Variants in CLCN6 observed in about 807,000 individuals in gnomAD.
CLCN6 encodes Cl-/H+ antiporter 6, also known as H(+)/Cl(-) exchange transporter 6.
In CLCN6, 70 loss-of-function variants were observed where a neutral mutation model predicts 109.8. That is an observed-to-expected ratio of 0.64 (90% CI 0.53 to 0.78). The LOEUF (loss-of-function observed/expected upper bound fraction) is 0.78, where lower values mean the gene tolerates loss of function less well. CLCN6 is among the 30% of genes least tolerant of loss of function. The pLI is 0.00. For missense variants in CLCN6, 984 were observed against 1,142.3 expected (o/e 0.86, Z 2.00); for synonymous variants, 444 against 447.8 (o/e 0.99, Z 0.11).
At chr1:11,808,787 T>A (rs1644558701) in intron 2 of CLCN6, among the ~76,000 whole-genome samples, 3 of 151,970 alleles carry the variant, frequency 2.0e-5, no homozygotes. Flanking sequence ...AATATGCTAC[T>A]CTGATGGGAC....
At chr1:11,811,475 C>T (rs945286823) in intron 2 of CLCN6, among the ~76,000 whole-genome samples, 29 of 151,882 alleles carry the variant, frequency 1.9e-4, no homozygotes, top group Non-Finnish European at 3.4e-4. Context: ...CTCTGCCTCC[C>T]GGGTTCAAGT....
chr1:11,816,553 T>C (rs1444394790), intron 3 of CLCN6, 62 bp from the exon 4 acceptor site: 3 of 1,478,044 alleles, frequency 2.0e-6, no homozygotes, highest in East Asian at 2.3e-5. Flanking sequence ...GGCCAAGATG[T>C]ATTTCTTCCC....
Position 11,828,189 on chromosome 1 carries a change from C to T in CLCN6, c.924C>T (p.Leu308=), listed in dbSNP as rs776891800. ...IQFGSWGSFQ[L]PGLLNFGEFK... is the part of the protein sequence containing the mutation. ...TTGGAAGCTGGGGTTCCTTCCAGCT[C>T]CCTGGATTGCTGAACTTTGGCGAGT... Residue 308 remains leucine, a synonymous_variant, in exon 11 of 23, where the codon CTC becomes CTT. Coordinates refer to ENST00000346436, the MANE Select transcript of CLCN6 (RefSeq NM_001286.5). 13 of 1,613,880 alleles carry T rather than the reference C, an allele frequency of 8.1e-6. No individual in the cohort carries two copies. The African/African-American group carries it at 1.5e-4, about 18-fold the overall frequency.
intron 8 of CLCN6, 144 bp from the exon 9 acceptor site, chr1:11,826,012 C>T (rs149376067): frequency 5.6e-5 from 34 of 612,186 alleles, no homozygotes; most frequent in Admixed American, 5.4e-4. Context: ...GAGGGGCCTC[C>T]CCTGATGCCG....
chr1:11,813,266 G>A (rs1644625860), intron 2 of CLCN6, among the ~76,000 whole-genome samples: 1 of 152,162 alleles, frequency 6.6e-6, no homozygotes, highest in African/African-American at 2.4e-5. Flanking sequence ...AGTGAAAGGG[G>A]AAGCTTTTCC....
chr1:11,814,483 A>G (rs971074291), intron 2 of CLCN6, among the ~76,000 whole-genome samples: 3 of 151,944 alleles, frequency 2.0e-5, no homozygotes, highest in African/African-American at 7.3e-5. Flanking sequence ...TCTGGCCTCA[A>G]GTGATCCTCC....
chr1:11,806,350 G>A lies in CLCN6; in HGVS notation c.87+1G>A. ...TGAGACCCGCACCCCCGAGGAGCTGGTAAGAAGCCGGCGGAGTCGGCCTGG... is the reference window on the plus strand; with the variant it reads ...TGAGACCCGCACCCCCGAGGAGCTGATAAGAAGCCGGCGGAGTCGGCCTGG... On this transcript the variant is annotated splice_donor_variant, in intron 1 of 22. Transcript: ENST00000346436. LOFTEE classifies it high-confidence loss of function. 1 of 1,515,446 alleles carries A rather than the reference G, an allele frequency of 6.6e-7. No individual in the cohort carries two copies. The highest frequency in any genetic ancestry group is 8.7e-7 in the Non-Finnish European group (1 of 1,143,550). The allele number at this position is 1,515,446 out of a possible 1,614,324, so 93.9% of individuals were successfully genotyped here.
chr1:11,817,838 C>T (rs1644692889), intron 4 of CLCN6, among the ~76,000 whole-genome samples: 1 of 152,166 alleles, frequency 6.6e-6, no homozygotes, highest in South Asian at 2.1e-4. Context: ...CAAATTTTTA[C>T]TATAGTAAAT....
At chr1:11,817,999 C>A (rs757570622) in intron 4 of CLCN6, among the ~76,000 whole-genome samples, 2 of 152,010 alleles carry the variant, frequency 1.3e-5, no homozygotes, top group Non-Finnish European at 2.9e-5. Context: ...CGGTGGCTCA[C>A]ACCTGTAATC....
chr1:11,835,824 C>T lies in CLCN6; in HGVS notation c.1794-143C>T, dbSNP rs76218463. The T allele has an allele frequency of 1.6e-3, 975 of 624,128 alleles. 3 individuals are homozygous for T. The African/African-American group carries it at 0.016, about 10-fold the overall frequency. The allele number at this position is 624,128 out of a possible 1,614,324, so 38.7% of individuals were successfully genotyped here. On this transcript the variant is annotated intron_variant, in intron 17 of 22. Transcript: ENST00000346436. ...GGGATAGAAGTACAAAGGAATGCAT[C>T]GGGTTTGAGGGAGAGCTGGGGCAGT... is the stretch of plus-strand genomic sequence containing the variant.
At position 11,817,236 on chromosome 1, in the gene CLCN6, G is replaced by A. The variant is rs545730645; in HGVS notation, c.279+556G>A. Among the ~76,000 whole-genome samples, 3 of 152,148 alleles carry A rather than the reference G, an allele frequency of 2.0e-5. No homozygotes were observed. The East Asian group carries it at 5.8e-4, about 29-fold the overall frequency. On this transcript the variant is annotated intron_variant, in intron 4 of 22. Transcript: ENST00000346436. ...GCCTCCCGAGTGGTTAGGACTCTAGGCAGGCATGAGATCGCTCTTTAGGGA... is the reference window on the plus strand; with the variant it reads ...GCCTCCCGAGTGGTTAGGACTCTAGACAGGCATGAGATCGCTCTTTAGGGA...
chr1:11,820,353 AT>A, intron 5 of CLCN6: 1 of 715,112 alleles, frequency 1.4e-6, no homozygotes, highest in South Asian at 1.5e-5. Context: ...ATTTCATACT[AT>A]AAATAAGATA....
intron 9 of CLCN6, 106 bp downstream of exon 9, chr1:11,826,320 A>T (rs1012806558): frequency 8.6e-6 from 8 of 926,028 alleles, no homozygotes; most frequent in Non-Finnish European, 1.2e-5. Flanking sequence ...CTGCGGGGAA[A>T]CCCGACTGGG....
chr1:11,814,292 C>T (rs1360640550), intron 2 of CLCN6, among the ~76,000 whole-genome samples: 1 of 145,190 alleles, frequency 6.9e-6, no homozygotes, highest in Non-Finnish European at 1.5e-5. Context: ...GTTGCCCAGG[C>T]TGGAGTGCAG....
chr1:11,808,869 T>G (rs1315794041), intron 2 of CLCN6, among the ~76,000 whole-genome samples: 2 of 152,024 alleles, frequency 1.3e-5, no homozygotes, highest in Admixed American at 1.3e-4. Flanking sequence ...TTCTTTTTTT[T>G]AAATTTGAGA....
Position 11,814,233 on chromosome 1 carries a change from C to T in CLCN6, c.148-1613C>T, listed in dbSNP as rs1269518865. Among the ~76,000 whole-genome samples, 5 of 150,302 alleles carry T rather than the reference C, an allele frequency of 3.3e-5. No individual in the cohort carries two copies. In the East Asian group the frequency reaches 5.9e-4, roughly 18 times the overall value. On this transcript the variant is annotated intron_variant, in intron 2 of 22. Transcript: ENST00000346436. ...GGCCGACCATTATTTTTCTTTGTTG[C>T]CAAACTGCTGCGTCTTTTTTTTTTT...
intron 2 of CLCN6, 96 bp downstream of exon 2, chr1:11,807,286 AC>A: frequency 4.5e-6 from 5 of 1,106,694 alleles, no homozygotes; most frequent in Non-Finnish European, 6.8e-6. Context: ...ATGCTCTTTG[AC>A]CTTCTGTCCC....
intron 22 of CLCN6, chr1:11,838,950 G>T (rs538034523): frequency 1.4e-6 from 1 of 709,526 alleles, no homozygotes; most frequent in South Asian, 1.5e-5. Flanking sequence ...TACCACTGGT[G>T]TTCCTTGGTT....
At chr1:11,819,696 TGAAGGACACAAAA>T in intron 5 of CLCN6, 142 bp downstream of exon 5, 1 of 707,882 alleles carries the variant, frequency 1.4e-6, no homozygotes, top group South Asian at 1.7e-5. Context: ...TAATGATCAC[TGAAGGACACAAAA>T]GAAGGACTTT....
Sources: gnomAD v4.1 joint callset for allele counts (sites outside exome capture counted in the v4.1 genomes callset) on GRCh38, gnomAD v4.1.1 for gene constraint, MANE v1.5 for transcripts, NCBI Gene and HGNC (gene_info 2026-07-23, HGNC 2026-07-21) for gene names.